Variants in ARHGAP11B observed in about 807,000 individuals in gnomAD.
The protein encoded by ARHGAP11B is Rho GTPase activating protein 11B.
ARHGAP11B carries 14 observed loss-of-function variants against 27.6 expected under a neutral mutation model. That is an observed-to-expected ratio of 0.51 (90% CI 0.34 to 0.79). The LOEUF (loss-of-function observed/expected upper bound fraction) is 0.79, where lower values mean the gene tolerates loss of function less well. Among genes scored for constraint, ARHGAP11B ranks in the 30% least tolerant of loss-of-function variants. The pLI is 0.02. For synonymous variants in ARHGAP11B, 82 were observed against 114.1 expected, an observed-to-expected ratio of 0.72 and a Z score of 1.80; for missense variants, 245 against 320.1, an observed-to-expected ratio of 0.77 and a Z score of 1.79.
At chr15:30,640,002 G>GTA (rs1272711763) in intron 7 of ARHGAP11B, among the ~76,000 whole-genome samples, 1 of 150,464 alleles carries the variant, frequency 6.6e-6, no homozygotes, top group Non-Finnish European at 1.5e-5. Flanking sequence ...GTGTGTGTGT[G>GTA]TGTGTGTGTG....
intron 7 of ARHGAP11B, among the ~76,000 whole-genome samples, chr15:30,640,989 T>C (rs2060311721): frequency 6.6e-6 from 1 of 152,024 alleles, no homozygotes; most frequent in Admixed American, 6.6e-5. Flanking sequence ...TACCTGCCTT[T>C]GCTTATTAGC....
chr15:30,626,877 T>C, exon 1 of ARHGAP11B: 1 of 1,613,458 alleles, frequency 6.2e-7, no homozygotes, highest in Non-Finnish European at 8.5e-7. Context: ...GGGCCTTCTA[T>C]GGTATTAAGG....
chr15:30,648,198 A>C (rs571276072), intron 10 of ARHGAP11B, among the ~76,000 whole-genome samples: 38 of 152,110 alleles, frequency 2.5e-4, no homozygotes, highest in Admixed American at 6.5e-4. Flanking sequence ...GGCCACCCTT[A>C]TCTGTCCCTC....
chr15:30,634,101 C>T, intron 3 of ARHGAP11B, 69 bp from the exon 4 acceptor site: 10 of 1,599,842 alleles, frequency 6.3e-6, no homozygotes, highest in Non-Finnish European at 7.7e-6. Flanking sequence ...TAGAGTATAA[C>T]AAAAGATTCT....
At chr15:30,646,465 A>G (rs1432202387) in intron 9 of ARHGAP11B, among the ~76,000 whole-genome samples, 1 of 152,010 alleles carries the variant, frequency 6.6e-6, no homozygotes, top group Non-Finnish European at 1.5e-5. Flanking sequence ...AGTAGATGAG[A>G]GTAGATGGTG....
intron 3 of ARHGAP11B, 138 bp from the exon 4 acceptor site, chr15:30,634,032 A>G (rs2060262699): frequency 1.7e-6 from 1 of 601,044 alleles, no homozygotes; most frequent in Middle Eastern, 4.5e-4. Flanking sequence ...CATTAAAAAT[A>G]AAGTAGTGAC....
At chr15:30,645,935 A>T (rs2060344899) in intron 8 of ARHGAP11B, among the ~76,000 whole-genome samples, 1 of 151,868 alleles carries the variant, frequency 6.6e-6, no homozygotes, top group Non-Finnish European at 1.5e-5. Context: ...GTAGATAAAG[A>T]GATGGGAAAT....
At chr15:30,648,368 T>G (rs116475289) in exon 11 of ARHGAP11B, among the ~76,000 whole-genome samples, 3,762 of 152,154 alleles carry the variant, frequency 0.025, 151 homozygotes, top group African/African-American at 0.079. Context: ...TCCTGTTGCC[T>G]GTAAGACTTG....
exon 11 of ARHGAP11B, among the ~76,000 whole-genome samples, chr15:30,648,591 C>T (rs1359968034): frequency 2.0e-5 from 3 of 152,000 alleles, no homozygotes; most frequent in African/African-American, 7.2e-5. Flanking sequence ...AATTATTCCA[C>T]TGTGAATGAG....
chr15:30,628,761 A>G (rs1328144043), intron 1 of ARHGAP11B, among the ~76,000 whole-genome samples: 2 of 152,112 alleles, frequency 1.3e-5, no homozygotes, highest in Non-Finnish European at 2.9e-5. Context: ...AGTTTGTTTG[A>G]AAACAATTTC....
intron 7 of ARHGAP11B, among the ~76,000 whole-genome samples, chr15:30,642,603 G>T: frequency 6.6e-6 from 1 of 151,864 alleles, no homozygotes; most frequent in African/African-American, 2.4e-5. Flanking sequence ...ACTAGATACT[G>T]ACTAAATATT....
chr15:30,647,517 C>G (rs1274614239), intron 9 of ARHGAP11B, among the ~76,000 whole-genome samples: 1 of 151,814 alleles, frequency 6.6e-6, no homozygotes, highest in African/African-American at 2.4e-5. Context: ...TATACAAGTG[C>G]CTTTGTAATT....
At chr15:30,634,481 A>T (rs1174160159) in intron 4 of ARHGAP11B, 58 bp downstream of exon 4, 37 of 1,519,778 alleles carry the variant, frequency 2.4e-5, no homozygotes, top group Middle Eastern at 1.7e-4. Flanking sequence ...CTAACGTTTT[A>T]TGCTTGTAGA....
intron 7 of ARHGAP11B, 68 bp downstream of exon 7, chr15:30,638,878 T>C (rs1450661678): frequency 2.3e-6 from 2 of 872,840 alleles, no homozygotes; most frequent in Non-Finnish European, 3.2e-6. Context: ...TTCTATAAAA[T>C]ACAATTACAA....
chr15:30,631,785 T>C (rs1458233048), intron 2 of ARHGAP11B, among the ~76,000 whole-genome samples: 1 of 151,760 alleles, frequency 6.6e-6, no homozygotes, highest in Non-Finnish European at 1.5e-5. Context: ...TAACCTTTTG[T>C]TCTTTTTTTT....
In ARHGAP11B at chr15:30,633,593, A is replaced by C; in HGVS notation, c.297+7A>C. ...TCGCCTAAAAGCACTAAAGGTGAGC[A>C]TATTGTTGAACTATAATTTTTCATT... On this transcript the variant is annotated splice_region_variant and intron_variant, in intron 3 of 10. Transcript: ENST00000428041. The C allele has an allele frequency of 1.2e-6, 2 of 1,602,082 alleles. No individual in the cohort carries two copies. The highest frequency in any genetic ancestry group is 1.7e-6 in the Non-Finnish European group (2 of 1,174,898).
exon 1 of ARHGAP11B, chr15:30,626,860 C>A (rs761540412): frequency 1.2e-6 from 2 of 1,613,688 alleles, no homozygotes; most frequent in Non-Finnish European, 1.7e-6. Flanking sequence ...CCTGTTGCAG[C>A]ATCTGCGGGC....
chr15:30,633,365 G>T, intron 2 of ARHGAP11B, 125 bp from the exon 3 acceptor site: 1 of 703,994 alleles, frequency 1.4e-6, no homozygotes, highest in South Asian at 3.6e-5. Flanking sequence ...TCATCTCAAA[G>T]ACTACAGAGA....
chr15:30,637,014 T>G, intron 6 of ARHGAP11B, among the ~76,000 whole-genome samples: 1 of 152,016 alleles, frequency 6.6e-6, no homozygotes, highest in Non-Finnish European at 1.5e-5. Context: ...ATGCAACCCA[T>G]AAAACTTCCT....
Sources: gnomAD v4.1 joint callset for allele counts (sites outside exome capture counted in the v4.1 genomes callset) on GRCh38, gnomAD v4.1.1 for gene constraint, MANE v1.5 for transcripts, NCBI Gene and HGNC (gene_info 2026-07-23, HGNC 2026-07-21) for gene names.